MAGI1: variants seen among roughly 807,000 people sequenced by gnomAD.
MAGI1 encodes membrane-associated guanylate kinase, WW and PDZ domain-containing protein 1.
Under a neutral mutation model 139.9 loss-of-function variants are expected in MAGI1, and 58 were observed. The observed-to-expected ratio is 0.41, with a 90% confidence interval of 0.34 to 0.52. The LOEUF (loss-of-function observed/expected upper bound fraction) is 0.52. MAGI1 is among the 20% of genes least tolerant of loss of function. The pLI, the probability that MAGI1 is intolerant of heterozygous loss-of-function variation, is 0.12. For missense variants in MAGI1, 1,874 were observed against 1,901.6 expected, an observed-to-expected ratio of 0.99 and a Z score of 0.27; for synonymous variants, 812 against 737.9, an observed-to-expected ratio of 1.10 and a Z score of -1.63.
At chr3:65,550,832 G>A (rs1356988436) in intron 2 of MAGI1, among the ~76,000 whole-genome samples, 1 of 152,030 alleles carries the variant, frequency 6.6e-6, no homozygotes. Context: ...TTATCTGGGT[G>A]TGGGGGCATG....
chr3:65,456,124 C>A (rs1949372513), intron 5 of MAGI1, among the ~76,000 whole-genome samples: 2 of 152,244 alleles, frequency 1.3e-5, no homozygotes, highest in Admixed American at 1.3e-4. Flanking sequence ...ATCCCACCAG[C>A]AATGGATGAG....
At chr3:65,572,366 G>A (rs2080998176) in intron 2 of MAGI1, among the ~76,000 whole-genome samples, 1 of 152,114 alleles carries the variant, frequency 6.6e-6, no homozygotes, top group South Asian at 2.1e-4. Context: ...CAGGAACTAG[G>A]AACAAGCAAA....
intron 18 of MAGI1, among the ~76,000 whole-genome samples, chr3:65,375,477 G>T (rs913277543): frequency 1.3e-5 from 2 of 152,128 alleles, no homozygotes; most frequent in Non-Finnish European, 2.9e-5. Context: ...GTGAGCCACC[G>T]CACCCGGCCT....
chr3:65,734,041 T>A (rs62243983), intron 1 of MAGI1, among the ~76,000 whole-genome samples: 58 of 152,214 alleles, frequency 3.8e-4, no homozygotes, highest in Admixed American at 9.2e-4. Flanking sequence ...CTTTCTGAGG[T>A]CCATTTATCT....
In MAGI1 at chr3:65,676,154, T is replaced by C. The variant is rs1424908347; in HGVS notation, c.314-54066A>G. Among the ~76,000 whole-genome samples, 5 of 152,160 alleles carry C rather than the reference T, an allele frequency of 3.3e-5. No homozygotes were observed. In the East Asian group the frequency reaches 9.7e-4, roughly 29 times the overall value. ...TTGGAAAAACCCAAATATACATCTA[T>C]ATGGGCACAATTACAAAATTATGGT... On this transcript the variant is annotated intron_variant, in intron 1 of 22. Transcript: ENST00000402939.
At chr3:65,758,718 CAAG>C (rs1317400929) in intron 1 of MAGI1, among the ~76,000 whole-genome samples, 7 of 152,038 alleles carry the variant, frequency 4.6e-5, no homozygotes, top group African/African-American at 1.4e-4. Context: ...GCCCCTACAA[CAAG>C]AAGTATTCGG....
intron 1 of MAGI1, among the ~76,000 whole-genome samples, chr3:65,890,629 G>A (rs994048428): frequency 3.3e-5 from 5 of 152,098 alleles, no homozygotes; most frequent in African/African-American, 4.8e-5. Context: ...TTAAAAGAAC[G>A]AGCAGATTCA....
At chr3:65,961,106 T>C (rs1469588755) in intron 1 of MAGI1, among the ~76,000 whole-genome samples, 3 of 152,190 alleles carry the variant, frequency 2.0e-5, no homozygotes, top group Non-Finnish European at 4.4e-5. Context: ...CATGACACCA[T>C]TCATCTAGGG....
At chr3:65,517,080 A>C (rs541387310) in intron 2 of MAGI1, among the ~76,000 whole-genome samples, 23 of 152,126 alleles carry the variant, frequency 1.5e-4, no homozygotes, top group African/African-American at 5.5e-4. Flanking sequence ...AGGTTTTCCT[A>C]CTCTGGAAGC....
Position 65,430,687 on chromosome 3 carries a change from T to C in MAGI1, c.1546+12A>G. 1 of 1,612,428 alleles carries C rather than the reference T, an allele frequency of 6.2e-7. No homozygotes were observed. Among genetic ancestry groups the C allele is most frequent in the Non-Finnish European group, 8.5e-7 (1 of 1,179,340 alleles). On this transcript the variant is annotated intron_variant, in intron 11 of 22. Transcript: ENST00000402939. ...CACCACACAGAACACACTAAGGCCA[T>C]GTTGACGCTACCTGTTTCCATCTTG...
At chr3:65,887,009 G>T (rs1294690295) in intron 1 of MAGI1, among the ~76,000 whole-genome samples, 1 of 152,046 alleles carries the variant, frequency 6.6e-6, no homozygotes, top group Non-Finnish European at 1.5e-5. Flanking sequence ...AATGTCAAAG[G>T]CTTCTGTGCA....
chr3:65,409,002 G>C (rs913481317), intron 12 of MAGI1, among the ~76,000 whole-genome samples: 2 of 152,208 alleles, frequency 1.3e-5, no homozygotes, highest in African/African-American at 4.8e-5. Flanking sequence ...CAGGACAATG[G>C]AACAGGCTGT....
chr3:65,722,630 C>T (rs541835332), intron 1 of MAGI1, among the ~76,000 whole-genome samples: 1 of 151,736 alleles, frequency 6.6e-6, no homozygotes, highest in East Asian at 1.9e-4. Context: ...GAGACCCTGT[C>T]TCAAAAACAA....
At chr3:65,774,271 T>C (rs2038194050) in intron 1 of MAGI1, among the ~76,000 whole-genome samples, 1 of 152,194 alleles carries the variant, frequency 6.6e-6, no homozygotes, top group Admixed American at 6.5e-5. Context: ...GTAGTTATCA[T>C]CTTTGATGTT....
At chr3:65,468,367 CTTTTTTTTTTTTTTTTTTTT>C (rs71102860) in intron 5 of MAGI1, among the ~76,000 whole-genome samples, 6 of 61,366 alleles carry the variant, frequency 9.8e-5, no homozygotes, top group African/African-American at 2.8e-4. Flanking sequence ...AGAGGGTATT[CTTTTTTTTTTTTTTTTTTTT>C]TTTTTTTTTG....
intron 1 of MAGI1, among the ~76,000 whole-genome samples, chr3:65,719,383 T>A (rs1218176251): frequency 6.6e-6 from 1 of 151,844 alleles, no homozygotes; most frequent in Non-Finnish European, 1.5e-5. Flanking sequence ...TTAATGTATA[T>A]ATATTTTAAA....
At chr3:65,565,979 T>C (rs940229041) in intron 2 of MAGI1, among the ~76,000 whole-genome samples, 2 of 151,648 alleles carry the variant, frequency 1.3e-5, no homozygotes, top group Admixed American at 6.6e-5. Context: ...ATATTTTAAG[T>C]TTGTGGTGGC....
At chr3:65,516,974 C>T (rs1204506504) in intron 2 of MAGI1, among the ~76,000 whole-genome samples, 2 of 151,734 alleles carry the variant, frequency 1.3e-5, no homozygotes, top group East Asian at 2.0e-4. Flanking sequence ...GTGATCCGCC[C>T]GCCTCGGCCT....
intron 2 of MAGI1, among the ~76,000 whole-genome samples, chr3:65,504,279 C>T (rs1217665110): frequency 6.6e-6 from 1 of 152,178 alleles, no homozygotes; most frequent in Non-Finnish European, 1.5e-5. Context: ...TGCAAGGATA[C>T]AAACCCCTCA....
Sources: gnomAD v4.1 joint callset for allele counts (sites outside exome capture counted in the v4.1 genomes callset) on GRCh38, gnomAD v4.1.1 for gene constraint, MANE v1.5 for transcripts, NCBI Gene and HGNC (gene_info 2026-07-23, HGNC 2026-07-21) for gene names.